ANO2: variants seen among roughly 807,000 people sequenced by gnomAD.
ANO2 encodes the protein anoctamin 2.
Under a neutral mutation model 124.2 loss-of-function variants are expected in ANO2, and 101 were observed. The ratio of observed to expected loss-of-function variants is 0.81; its 90% CI spans 0.69 to 0.96. The LOEUF is 0.96. Ranked by LOEUF, ANO2 falls within the 40% of genes least tolerant of loss-of-function variation. The pLI, the probability that ANO2 is intolerant of heterozygous loss-of-function variation, is 0.00. For missense variants in ANO2, 1,293 were observed against 1,274.5 expected, an observed-to-expected ratio of 1.01 and a Z score of -0.22; for synonymous variants, 486 against 482.5, an observed-to-expected ratio of 1.01 and a Z score of -0.09.
intron 4 of ANO2, among the ~76,000 whole-genome samples, chr12:5,850,430 A>AG (rs1383495104): frequency 2.0e-5 from 3 of 149,268 alleles, no homozygotes; most frequent in South Asian, 4.2e-4. Context: ...AAAAAAAAAA[A>AG]AAAGAAAGAA....
Position 5,563,584 on chromosome 12 carries a change from G to C in ANO2, c.2728-16C>G, listed in dbSNP as rs1358708331. The C allele has an allele frequency of 5.0e-6, 8 of 1,612,854 alleles. No individual in the cohort carries two copies. The highest frequency in any genetic ancestry group is 6.8e-6 in the Non-Finnish European group (8 of 1,179,128). Reference sequence around the variant, plus strand: ...TCACGAGGTTCTGCAAAAAGCCAAGGAGAGAGGGGCTGAGTTGGAGAGGCC... The same window carrying C: ...TCACGAGGTTCTGCAAAAAGCCAAGCAGAGAGGGGCTGAGTTGGAGAGGCC... On this transcript the variant is annotated splice_polypyrimidine_tract_variant and intron_variant, in intron 24 of 24. Transcript: ENST00000682330.
chr12:5,680,847 G>A lies in ANO2; in HGVS notation c.1546-33046C>T, dbSNP rs376536251. ...TAGGCACCTGCTGGAATTCTGGTCAGAGGTGGATTAATGGGAGGTGACTCA... is the reference window on the plus strand; with the variant it reads ...TAGGCACCTGCTGGAATTCTGGTCAAAGGTGGATTAATGGGAGGTGACTCA... On this transcript the variant is annotated intron_variant, in intron 14 of 24. Transcript: ENST00000682330. Among the ~76,000 whole-genome samples the A allele has an allele frequency of 4.9e-4, 74 of 152,336 alleles. 1 individual carries two copies. In the South Asian group the frequency reaches 0.015, roughly 32 times the overall value.
At chr12:5,803,525 T>G (rs1953106995) in intron 9 of ANO2, among the ~76,000 whole-genome samples, 1 of 151,846 alleles carries the variant, frequency 6.6e-6, no homozygotes, top group Non-Finnish European at 1.5e-5. Context: ...CCCCTGTAAG[T>G]GGGTGAAGAA....
intron 20 of ANO2, among the ~76,000 whole-genome samples, chr12:5,597,681 C>T (rs931284394): frequency 3.9e-5 from 6 of 152,156 alleles, no homozygotes; most frequent in Admixed American, 6.5e-5. Context: ...GGACCACTGG[C>T]GTCAGAGGGT....
chr12:5,588,749 G>A (rs540351868), intron 20 of ANO2, among the ~76,000 whole-genome samples: 1 of 152,248 alleles, frequency 6.6e-6, no homozygotes, highest in Admixed American at 6.5e-5. Flanking sequence ...CTAAAACATT[G>A]GCAGTAGTGC....
intron 3 of ANO2, among the ~76,000 whole-genome samples, chr12:5,907,539 T>C (rs1940779105): frequency 6.6e-6 from 1 of 152,204 alleles, no homozygotes; most frequent in Non-Finnish European, 1.5e-5. Flanking sequence ...GTAAACTCCC[T>C]GCACCTTCTC....
At chr12:5,734,152 G>C (rs982452622) in intron 13 of ANO2, among the ~76,000 whole-genome samples, 2 of 152,172 alleles carry the variant, frequency 1.3e-5, no homozygotes, top group African/African-American at 2.4e-5. Context: ...ACACTAGAAC[G>C]TATCGACTTT....
At chr12:5,618,151 AG>A (rs1944928311) in intron 16 of ANO2, among the ~76,000 whole-genome samples, 2 of 152,356 alleles carry the variant, frequency 1.3e-5, no homozygotes, top group Admixed American at 6.5e-5. Flanking sequence ...GCACACTGAA[AG>A]GGGAGACCAA....
chr12:5,767,519 T>C (rs1951933681), intron 10 of ANO2, among the ~76,000 whole-genome samples: 1 of 152,238 alleles, frequency 6.6e-6, no homozygotes, highest in Non-Finnish European at 1.5e-5. Context: ...GAAACATTTA[T>C]TCAGCATCTA....
At chr12:5,891,731 G>A (rs1939418303) in intron 3 of ANO2, among the ~76,000 whole-genome samples, 1 of 152,202 alleles carries the variant, frequency 6.6e-6, no homozygotes, top group Non-Finnish European at 1.5e-5. Flanking sequence ...GACTCAAATA[G>A]CATAAGGCTG....
chr12:5,566,874 C>T lies in ANO2; in HGVS notation c.2622-1211G>A, dbSNP rs1861583. ...TATCACAGGGCATCTTACCAGTGAC[C>T]GCAGTTTAGGGGACATTCACAAGTA... On this transcript the variant is annotated intron_variant, in intron 23 of 24. Coordinates refer to ENST00000682330, the MANE Select transcript of ANO2 (RefSeq NM_001364791.2). Among the ~76,000 whole-genome samples the T allele has an allele frequency of 6.1e-3, 933 of 152,202 alleles. 10 individuals are homozygous for T. Among genetic ancestry groups the T allele is most frequent in the African/African-American group, 0.021 (880 of 41,518 alleles).
intron 4 of ANO2, chr12:5,851,994 G>T: frequency 1.4e-6 from 1 of 727,974 alleles, no homozygotes; most frequent in East Asian, 2.5e-5. Flanking sequence ...TTAAAACATA[G>T]GAAACAAGAC....
At chr12:5,764,595 G>T (rs574937478) in intron 10 of ANO2, among the ~76,000 whole-genome samples, 1 of 152,106 alleles carries the variant, frequency 6.6e-6, no homozygotes, top group Non-Finnish European at 1.5e-5. Flanking sequence ...AGAAAATGTT[G>T]GGCATGAGAC....
chr12:5,706,903 G>A (rs1949631480), intron 14 of ANO2, among the ~76,000 whole-genome samples: 1 of 152,218 alleles, frequency 6.6e-6, no homozygotes, highest in African/African-American at 2.4e-5. Flanking sequence ...CACAGCCAAT[G>A]CTCATGCTTC....
intron 14 of ANO2, among the ~76,000 whole-genome samples, chr12:5,702,040 AT>A (rs1565585893): frequency 6.6e-6 from 1 of 152,248 alleles, no homozygotes; most frequent in Non-Finnish European, 1.5e-5. Flanking sequence ...AAATAAAAAA[AT>A]AATAGAATTG....
chr12:5,744,166 C>T lies in ANO2; in HGVS notation c.1342G>A (p.Ala448Thr), dbSNP rs1449820349. 1.9e-6 allele frequency: 3 copies of T among 1,613,080 alleles called. No individual in the cohort carries two copies. Among genetic ancestry groups the T allele is most frequent in the Non-Finnish European group, 2.5e-6 (3 of 1,179,870 alleles). The change falls in exon 12 of 25, where the codon GCT (alanine) becomes ACT (threonine). Residue 448 changes from alanine (A) to threonine (T), a missense_variant. Physicochemically the swap from Ala to Thr is moderately conservative, Grantham distance 58. Transcript: ENST00000682330. ...PATVFFSIFM[A>T]LWATMFLENW... ...GGTGATGGCCACATACCCCACAGAGCCATGAAGATAGAGAAGAAGACGGTG... is the reference window on the plus strand; with the variant it reads ...GGTGATGGCCACATACCCCACAGAGTCATGAAGATAGAGAAGAAGACGGTG...
intron 14 of ANO2, among the ~76,000 whole-genome samples, chr12:5,720,909 G>A (rs1479183132): frequency 6.6e-6 from 1 of 152,214 alleles, no homozygotes; most frequent in Non-Finnish European, 1.5e-5. Context: ...CTGATGCTAA[G>A]AATCAACTCT....
At chr12:5,883,502 G>A (rs1938652708) in intron 3 of ANO2, among the ~76,000 whole-genome samples, 1 of 144,582 alleles carries the variant, frequency 6.9e-6, no homozygotes, top group Non-Finnish European at 1.5e-5. Flanking sequence ...ACATTAGGGT[G>A]GTGTGTGTGT....
intron 13 of ANO2, among the ~76,000 whole-genome samples, chr12:5,733,814 G>C (rs1410017655): frequency 6.6e-6 from 1 of 152,212 alleles, no homozygotes; most frequent in Non-Finnish European, 1.5e-5. Context: ...ACCAGGTGGG[G>C]TCTCCTCCCT....
Sources: gnomAD v4.1 joint callset for allele counts (sites outside exome capture counted in the v4.1 genomes callset) on GRCh38, gnomAD v4.1.1 for gene constraint, MANE v1.5 for transcripts, NCBI Gene and HGNC (gene_info 2026-07-23, HGNC 2026-07-21) for gene names.